The following SLC7A5 variants were observed in gnomAD, a reference collection of about 807,000 sequenced individuals.
The protein encoded by SLC7A5 is large neutral amino acids transporter small subunit 1.
Under a neutral mutation model 50.2 loss-of-function variants are expected in SLC7A5, and 23 were observed. The ratio of observed to expected loss-of-function variants is 0.46; its 90% CI spans 0.33 to 0.65. The LOEUF (loss-of-function observed/expected upper bound fraction) is 0.65, where lower values mean the gene tolerates loss of function less well. Ranked by LOEUF, SLC7A5 falls within the 30% of genes least tolerant of loss-of-function variation. The pLI, the probability that SLC7A5 is intolerant of heterozygous loss-of-function variation, is 0.02. For synonymous variants in SLC7A5, 393 were observed against 330.6 expected, an observed-to-expected ratio of 1.19 and a Z score of -2.05; for missense variants, 578 against 684.4, an observed-to-expected ratio of 0.84 and a Z score of 1.73.
At position 87,860,353 on chromosome 16, in the gene SLC7A5, C is replaced by T. The variant is rs1257965417; in HGVS notation, c.539-8504G>A. On this transcript the variant is annotated intron_variant, in intron 1 of 9. Transcript: ENST00000261622. The surrounding 1 kb of genome is among the most constrained non-coding windows in gnomAD (Gnocchi z 4.8). ...AAAAAAAAAAAAATACACACACACACACACACACACACACACACACACACA... is the reference window on the plus strand; with the variant it reads ...AAAAAAAAAAAAATACACACACACATACACACACACACACACACACACACA... Among the ~76,000 whole-genome samples the T allele has an allele frequency of 3.8e-3, 221 of 57,954 alleles. 6 individuals are homozygous for T. Among genetic ancestry groups the T allele is most frequent in the South Asian group, 7.0e-3 (11 of 1,572 alleles). The allele number at this position is 57,954 out of a possible 152,430, so 38.0% of individuals were successfully genotyped here.
At chr16:87,843,733 C>G (rs1021844398) in intron 2 of SLC7A5, among the ~76,000 whole-genome samples, 1 of 152,150 alleles carries the variant, frequency 6.6e-6, no homozygotes, top group Non-Finnish European at 1.5e-5. Context: ...GAGCAGGAGG[C>G]CGGGGATGCT....
chr16:87,849,499 G>A (rs150901181), intron 2 of SLC7A5, among the ~76,000 whole-genome samples: 11 of 152,288 alleles, frequency 7.2e-5, no homozygotes, highest in Non-Finnish European at 1.0e-4. Flanking sequence ...ACCGAAATTT[G>A]TTTTTACAAA....
Position 87,833,018 on chromosome 16 carries a change from C to A in SLC7A5, c.1476G>T (p.Thr492=), listed in dbSNP as rs1469326932. The part of the protein sequence containing the change: ...PKWLLQGIFS[T]TVLCQKLMQV... ...GCATGAGCTTCTGACACAGGACGGT[C>A]GTGGAGACTGTCAGGAGAGAAGACA... The change falls in exon 10 of 10, where the codon ACG becomes ACT. Residue 492 remains threonine, a synonymous_variant. Coordinates refer to ENST00000261622, the MANE Select transcript of SLC7A5 (RefSeq NM_003486.7). This position sits in a 1 kb window ranked among gnomAD's most constrained non-coding sequence, Gnocchi z 6.0. The A allele has an allele frequency of 6.2e-7, 1 of 1,613,678 alleles. No homozygotes were observed. The highest frequency in any genetic ancestry group is 2.2e-5 in the East Asian group (1 of 44,862).
chr16:87,856,566 C>T (rs1185858386), intron 1 of SLC7A5, among the ~76,000 whole-genome samples: 1 of 152,222 alleles, frequency 6.6e-6, no homozygotes, highest in Non-Finnish European at 1.5e-5. Flanking sequence ...GGAGCCAGCA[C>T]CTGGCAAACC....
intron 1 of SLC7A5, among the ~76,000 whole-genome samples, chr16:87,858,852 G>T (rs949051384): frequency 2.0e-5 from 3 of 152,232 alleles, no homozygotes; most frequent in African/African-American, 7.2e-5. Flanking sequence ...ACACCCGACA[G>T]GAGGATGCAG....
Position 87,833,014 on chromosome 16 carries a change from C to T in SLC7A5, c.1480G>A (p.Val494Ile), listed in dbSNP as rs200265403. 3.3e-5 allele frequency: 54 copies of T among 1,613,656 alleles called. No homozygotes were observed. In the African/African-American group the frequency reaches 4.0e-4, roughly 12 times the overall value. The change falls in exon 10 of 10, where the codon GTC (valine) becomes ATC (isoleucine). Residue 494 changes from valine (V) to isoleucine (I), a missense_variant. By Grantham distance (29) the Val-to-Ile change is conservative (BLOSUM62 3). Transcript: ENST00000261622. This position sits in a 1 kb window ranked among gnomAD's most constrained non-coding sequence, Gnocchi z 6.0. Reference protein sequence around the residue: ...WLLQGIFSTTVLCQKLMQVVP... With the variant: ...WLLQGIFSTTILCQKLMQVVP... ...ACCTGCATGAGCTTCTGACACAGGA[C>T]GGTCGTGGAGACTGTCAGGAGAGAA...
intron 9 of SLC7A5, 111 bp downstream of exon 9, chr16:87,834,303 T>C: frequency 3.7e-6 from 4 of 1,078,670 alleles, no homozygotes; most frequent in Non-Finnish European, 5.6e-6. Context: ...TGAACCCTCC[T>C]GCCACCCAAC....
chr16:87,850,383 T>C lies in SLC7A5; in HGVS notation c.664+1341A>G, dbSNP rs145537216. On this transcript the variant is annotated intron_variant, in intron 2 of 9. Transcript: ENST00000261622. The stretch of plus-strand genomic sequence containing the variant: ...ACAGCTTGCTGGGTGAGGACCTTCC[T>C]GCCTCTAGGAGCAAGGTCCTTGCCC... Among the ~76,000 whole-genome samples the C allele has an allele frequency of 3.7e-3, 567 of 152,296 alleles. 4 individuals carry two copies. The highest frequency in any genetic ancestry group is 0.013 in the African/African-American group (529 of 41,560).
intron 1 of SLC7A5, chr16:87,863,666 A>C (rs973244483): frequency 6.6e-6 from 1 of 152,052 alleles, no homozygotes; most frequent in Non-Finnish European, 1.5e-5. Context: ...ACTGACAAGC[A>C]AGGGATTTTT....
Position 87,841,142 on chromosome 16 carries a change from A to G in SLC7A5, c.678T>C (p.Asn226=). Residue 226 remains asparagine, a synonymous_variant, in exon 3 of 10, where the codon AAT becomes AAC. Coordinates refer to ENST00000261622, the MANE Select transcript of SLC7A5 (RefSeq NM_003486.7). The surrounding 1 kb of genome is among the most constrained non-coding windows in gnomAD (Gnocchi z 4.8). ...CTTCAAATGAGAAGTTGGGATCTAG[A>G]TTGGACACATCACCTGGCAGGGCCA... ...FVQIGKGDVS[N]LDPNFSFEGT... The G allele has an allele frequency of 6.2e-7, 1 of 1,611,786 alleles. No individual in the cohort carries two copies. The highest frequency in any genetic ancestry group is 8.5e-7 in the Non-Finnish European group (1 of 1,177,976).
chr16:87,839,615 A>G, intron 5 of SLC7A5, 87 bp downstream of exon 5: 2 of 1,592,358 alleles, frequency 1.3e-6, no homozygotes, highest in Non-Finnish European at 8.6e-7. Context: ...GGAGGCTTAG[A>G]GATGTGGGGC....
At chr16:87,854,267 G>C (rs35363075) in intron 1 of SLC7A5, among the ~76,000 whole-genome samples, 1 of 152,122 alleles carries the variant, frequency 6.6e-6, no homozygotes, top group African/African-American at 2.4e-5. Flanking sequence ...AATGGCCATA[G>C]AACAAAGGGG....
chr16:87,836,512 C>T lies in SLC7A5; in HGVS notation c.1276G>A (p.Glu426Lys), dbSNP rs1305253409. 4 of 1,611,854 alleles carry T rather than the reference C, an allele frequency of 2.5e-6. 1 individual carries two copies. The African/African-American group carries it at 4.0e-5, about 16-fold the overall frequency. The part of the protein sequence containing the change: ...IWLRHRKPEL[E>K]RPIKVNLALP... ...CCCGGGCTCACCTTGATGGGCCGCT[C>T]AAGCTCAGGCTTTCTGTGGCGCAGC... Residue 426 changes from glutamate (E) to lysine (K), a missense_variant, in exon 8 of 10, where the codon GAG becomes AAG. Physicochemically the swap from Glu to Lys is moderately conservative, Grantham distance 56. Around this residue, in one of 2 missense-constraint regions of SLC7A5, gnomAD observed 465 missense variants for 594.6 expected, o/e 0.78. Coordinates refer to ENST00000261622, the MANE Select transcript of SLC7A5 (RefSeq NM_003486.7).
intron 2 of SLC7A5, among the ~76,000 whole-genome samples, chr16:87,843,945 T>A (rs2055115125): frequency 6.6e-6 from 1 of 151,966 alleles, no homozygotes; most frequent in African/African-American, 2.4e-5. Context: ...GGCTTCGACA[T>A]GAAGCCCCAG....
intron 2 of SLC7A5, among the ~76,000 whole-genome samples, chr16:87,845,832 C>T (rs2055146483): frequency 6.6e-6 from 1 of 152,220 alleles, no homozygotes; most frequent in African/African-American, 2.4e-5. Context: ...TGTGGCTGCC[C>T]TGGCCTCTGT....
At chr16:87,858,506 T>C (rs1006690368) in intron 1 of SLC7A5, among the ~76,000 whole-genome samples, 3 of 152,150 alleles carry the variant, frequency 2.0e-5, no homozygotes, top group African/African-American at 7.2e-5. Flanking sequence ...AGTCACGGTA[T>C]TGTGGAGGTG....
At chr16:87,836,829 A>G in intron 7 of SLC7A5, 182 bp from the exon 8 acceptor site, 5 of 405,370 alleles carry the variant, frequency 1.2e-5, no homozygotes, top group African/African-American at 2.2e-5. Context: ...GGAGGGAAGG[A>G]GGGAGGAGAG....
chr16:87,833,140 C>A lies in SLC7A5; in HGVS notation c.1469-115G>T. 1 of 863,202 alleles carries A rather than the reference C, an allele frequency of 1.2e-6. No homozygotes were observed. The highest frequency in any genetic ancestry group is 1.3e-5 in the South Asian group (1 of 75,458). 53.5% of individuals were successfully genotyped at this position (863,202 alleles called of 1,614,324 possible). A position where few individuals can be genotyped will look rare whatever the true frequency, so the allele number is the denominator to read the frequency against. ...GCTGTCACCAAACCCAGCGCCGCTG[C>A]CCAGCGCTGGGATTTTAAGGAACCT... On this transcript the variant is annotated intron_variant, in intron 9 of 9. Transcript: ENST00000261622. The surrounding 1 kb of genome is among the most constrained non-coding windows in gnomAD (Gnocchi z 6.0).
intron 2 of SLC7A5, among the ~76,000 whole-genome samples, chr16:87,846,558 C>T (rs2055156500): frequency 6.6e-6 from 1 of 152,214 alleles, no homozygotes; most frequent in Admixed American, 6.5e-5. Context: ...CCTGATCTGA[C>T]AGGATCCTTG....
Sources: gnomAD v4.1 joint callset for allele counts (sites outside exome capture counted in the v4.1 genomes callset) on GRCh38, gnomAD v4.1.1 for gene constraint, gnomAD v4.1.1 regional missense constraint, Gnocchi (gnomAD v3.1) non-coding constraint, MANE v1.5 for transcripts, NCBI Gene and HGNC (gene_info 2026-07-23, HGNC 2026-07-21) for gene names.